The following PRAM1 variants were observed in gnomAD, a reference collection of about 807,000 sequenced individuals.
PRAM1 encodes the protein PML-RARA regulated adaptor molecule 1.
PRAM1 carries 41 observed loss-of-function variants against 55.3 expected under a neutral mutation model. That is an observed-to-expected ratio of 0.74 (90% CI 0.58 to 0.96). The LOEUF is 0.96. Ranked by LOEUF, PRAM1 falls within the 40% of genes least tolerant of loss-of-function variation. The probability of loss-of-function intolerance (pLI) is 0.00; values close to 1 mark genes in which losing one functional copy is unlikely to be tolerated. For missense variants in PRAM1, 898 were observed against 892.7 expected (o/e 1.01, Z -0.08); for synonymous variants, 401 against 387.1 (o/e 1.04, Z -0.42).
Position 8,502,607 on chromosome 19 carries a change from C to T in PRAM1, c.-16G>A, listed in dbSNP as rs774257612. On this transcript the variant is annotated 5_prime_UTR_variant, in exon 1 of 10. Transcript: ENST00000423345. ...GATGGGCCATGGGATGAGTGGGACCCGAGCTGGGGCCGCTGCCTTCAGGAA... is the reference window on the plus strand; with the variant it reads ...GATGGGCCATGGGATGAGTGGGACCTGAGCTGGGGCCGCTGCCTTCAGGAA... 55 of 1,549,722 alleles carry T rather than the reference C, an allele frequency of 3.5e-5. No individual in the cohort carries two copies. The highest frequency in any genetic ancestry group is 9.8e-5 in the Admixed American group (5 of 51,054).
Position 8,490,426 on chromosome 19 carries a change from C to T in PRAM1, c.1940+50G>A. The T allele has an allele frequency of 1.9e-6, 3 of 1,613,712 alleles. No homozygotes were observed. Among genetic ancestry groups the T allele is most frequent in the Non-Finnish European group, 2.5e-6 (3 of 1,179,804 alleles). ...GGCACCGTGGCCCATTCCCCCCACCCTGCACCACACACCCCGCACTCCCCC... is the reference window on the plus strand; with the variant it reads ...GGCACCGTGGCCCATTCCCCCCACCTTGCACCACACACCCCGCACTCCCCC... On this transcript the variant is annotated intron_variant, in intron 8 of 9. Transcript: ENST00000423345. This position sits in a 1 kb window ranked among gnomAD's most constrained non-coding sequence, Gnocchi z 7.3.
At chr19:8,498,312 G>A (rs1336915684) in intron 2 of PRAM1, 23 bp from the exon 3 acceptor site, 1 of 1,607,612 alleles carries the variant, frequency 6.2e-7, no homozygotes, top group Non-Finnish European at 8.5e-7. Flanking sequence ...GAGTAGGGCA[G>A]GGAAGCCGGC....
rs761216297 is a variant in PRAM1, at chr19:8,490,445, C to T, written c.1940+31G>A. 1.1e-5 allele frequency: 18 copies of T among 1,613,384 alleles called. No individual in the cohort carries two copies. The South Asian group carries it at 1.9e-4, about 17-fold the overall frequency. ...CCCACCCTGCACCACACACCCCGCACTCCCCCACCACGGTCAGGGCTGGCA... is the reference window on the plus strand; with the variant it reads ...CCCACCCTGCACCACACACCCCGCATTCCCCCACCACGGTCAGGGCTGGCA... On this transcript the variant is annotated intron_variant, in intron 8 of 9. Coordinates refer to ENST00000423345, the MANE Select transcript of PRAM1 (RefSeq NM_032152.5). This position sits in a 1 kb window ranked among gnomAD's most constrained non-coding sequence, Gnocchi z 7.3.
intron 4 of PRAM1, among the ~76,000 whole-genome samples, chr19:8,494,879 C>T (rs34755496): frequency 0.29 from 43,833 of 151,282 alleles, 7,553 homozygotes; most frequent in Non-Finnish European, 0.39. Flanking sequence ...GCAATCCACC[C>T]GCCTTGGCCT....
At position 8,491,150 on chromosome 19, in the gene PRAM1, C is replaced by T. The variant is rs149261635; in HGVS notation, c.1584G>A (p.Ala528=). 7,765 of 1,610,660 alleles carry T rather than the reference C, an allele frequency of 4.8e-3. 64 individuals carry two copies. The highest frequency in any genetic ancestry group is 0.026 in the South Asian group (2,331 of 90,988). Residue 528 remains alanine (A), a synonymous_variant, in exon 5 of 10, where the codon GCG becomes GCA. Coordinates refer to ENST00000423345, the MANE Select transcript of PRAM1 (RefSeq NM_032152.5). ...SSPSPKGRDE[A]PSVQQAARRP... The stretch of plus-strand genomic sequence containing the variant: ...TCCTGGCGGCTTGCTGAACTGAGGG[C>T]GCTTCATCTGGGGACAGTCAGGACT...
chr19:8,499,468 C>T lies in PRAM1; in HGVS notation c.340G>A (p.Asp114Asn). The T allele has an allele frequency of 6.2e-7, 1 of 1,611,116 alleles. No homozygotes were observed. Among genetic ancestry groups the T allele is most frequent in the Non-Finnish European group, 8.5e-7 (1 of 1,179,594 alleles). The change falls in exon 2 of 10, where the codon GAC (aspartate) becomes AAC (asparagine). Residue 114 changes from aspartate to asparagine, a missense_variant. Physicochemically the swap from Asp to Asn is conservative, Grantham distance 23. Coordinates refer to ENST00000423345, the MANE Select transcript of PRAM1 (RefSeq NM_032152.5). ...PKKPPPPEVTDLPKKPSKLEL... is the reference protein window; with the variant it reads ...PKKPPPPEVTNLPKKPSKLEL... ...AGTTTGGACGGCTTCTTGGGGAGGTCAGTGACCTCAGGCGGCGGGGGCTTC... is the reference window on the plus strand; with the variant it reads ...AGTTTGGACGGCTTCTTGGGGAGGTTAGTGACCTCAGGCGGCGGGGGCTTC...
At position 8,491,105 on chromosome 19, in the gene PRAM1, C is replaced by T. The variant is rs372523277; in HGVS notation, c.1629G>A (p.Ala543=). ...QAARRPPQDP[A]LRKEKDPQPQ... is the part of the protein sequence containing the mutation. ...ACCCCCTCTGCCCATGGCACCTGAG[C>T]GCTGGGTCTTGTGGTGGCCTCCTGG... Residue 543 remains alanine, a synonymous_variant, in exon 5 of 10, where the codon GCG becomes GCA. Coordinates refer to ENST00000423345, the MANE Select transcript of PRAM1 (RefSeq NM_032152.5). 7.5e-5 allele frequency: 121 copies of T among 1,612,254 alleles called. No homozygotes were observed. Among genetic ancestry groups the T allele is most frequent in the Non-Finnish European group, 9.6e-5 (113 of 1,179,860 alleles).
Position 8,490,170 on chromosome 19 carries a change from G to T in PRAM1, c.*19C>A. 1.3e-6 allele frequency: 2 copies of T among 1,550,874 alleles called. No individual in the cohort carries two copies. Among genetic ancestry groups the T allele is most frequent in the Non-Finnish European group, 1.7e-6 (2 of 1,146,422 alleles). On this transcript the variant is annotated 3_prime_UTR_variant, in exon 10 of 10. Coordinates refer to ENST00000423345, the MANE Select transcript of PRAM1 (RefSeq NM_032152.5). This position sits in a 1 kb window ranked among gnomAD's most constrained non-coding sequence, Gnocchi z 7.3. Reference sequence around the variant, plus strand: ...GGGCGCTGGGCTGGCTGGCTGTCCTGGCCCCACGCCTACCGGTCTTACCGT... The same window carrying T: ...GGGCGCTGGGCTGGCTGGCTGTCCTTGCCCCACGCCTACCGGTCTTACCGT...
chr19:8,495,959 G>C, intron 4 of PRAM1: 1 of 418,538 alleles, frequency 2.4e-6, no homozygotes, highest in Admixed American at 2.7e-5. Flanking sequence ...CTGGGCAGGA[G>C]GTGCGGGCCT....
chr19:8,490,367 G>A lies in PRAM1; in HGVS notation c.1946C>T (p.Thr649Met), dbSNP rs760164429. 14 of 1,613,828 alleles carry A rather than the reference G, an allele frequency of 8.7e-6. No homozygotes were observed. The highest frequency in any genetic ancestry group is 4.0e-5 in the African/African-American group (3 of 74,912). The change falls in exon 9 of 10, where the codon ACG becomes ATG. Residue 649 changes from threonine to methionine, a missense_variant. Thr to Met is a moderately conservative substitution (Grantham distance 81). Coordinates refer to ENST00000423345, the MANE Select transcript of PRAM1 (RefSeq NM_032152.5). This position sits in a 1 kb window ranked among gnomAD's most constrained non-coding sequence, Gnocchi z 7.3. ...VPRTALLPLETEVYDDVDFCD... is the reference protein window; with the variant it reads ...VPRTALLPLEMEVYDDVDFCD... Reference sequence around the variant, plus strand: ...GAAGTCGACATCATCGTACACCTCCGTCTCCCTGGCAGAGCACAGTTGGGT... The same window carrying A: ...GAAGTCGACATCATCGTACACCTCCATCTCCCTGGCAGAGCACAGTTGGGT...
chr19:8,498,162 G>T (rs886561693), intron 3 of PRAM1, 61 bp downstream of exon 3: 41 of 1,546,486 alleles, frequency 2.7e-5, no homozygotes, highest in Admixed American at 1.7e-4. Context: ...GCTCCAGGCC[G>T]AGATGAGGCC....
In PRAM1 at chr19:8,490,585, C is replaced by T. The variant is rs1359312721; in HGVS notation, c.1906+9G>A. 3.8e-6 allele frequency: 6 copies of T among 1,586,952 alleles called. No homozygotes were observed. The highest frequency in any genetic ancestry group is 1.3e-5 in the African/African-American group (1 of 74,328). ...GACCTCCCGGGGCTGCGGGGCCGGG[C>T]GCACTCACATTTGCCTTTGGGGTCC... On this transcript the variant is annotated intron_variant, in intron 7 of 9. Transcript: ENST00000423345. The surrounding 1 kb of genome is among the most constrained non-coding windows in gnomAD (Gnocchi z 7.3).
At chr19:8,501,922 G>T (rs1971811816) in intron 1 of PRAM1, among the ~76,000 whole-genome samples, 1 of 152,164 alleles carries the variant, frequency 6.6e-6, no homozygotes, top group Admixed American at 6.5e-5. Context: ...TCACAAGAAG[G>T]CCAGGCCTCC....
chr19:8,495,831 C>T (rs1168805457), intron 4 of PRAM1, among the ~76,000 whole-genome samples: 4 of 145,352 alleles, frequency 2.8e-5, no homozygotes. Context: ...GTGGAGGGTA[C>T]GGATTTAAGG....
In PRAM1 at chr19:8,490,240, G is replaced by A. The variant is rs770704187; in HGVS notation, c.1976-14C>T. ...TTTCCAGGGGATCTGCCGAGGAAGC[G>A]TGACTTCCATGGACCCCTCTCCCCA... On this transcript the variant is annotated splice_polypyrimidine_tract_variant and intron_variant, in intron 9 of 9. Coordinates refer to ENST00000423345, the MANE Select transcript of PRAM1 (RefSeq NM_032152.5). This position sits in a 1 kb window ranked among gnomAD's most constrained non-coding sequence, Gnocchi z 7.3. The A allele has an allele frequency of 1.2e-5, 20 of 1,607,916 alleles. No homozygotes were observed. In the East Asian group the frequency reaches 2.9e-4, roughly 23 times the overall value.
chr19:8,491,229 GTTTGTT>G (rs1485744312), intron 4 of PRAM1, 72 bp from the exon 5 acceptor site: 12 of 1,466,210 alleles, frequency 8.2e-6, no homozygotes, highest in Middle Eastern at 2.3e-4. Flanking sequence ...GCTGTTTTTT[GTTTGTT>G]TTTGTGTTTT....
rs1402696794 is a variant in PRAM1 at position 8,493,321 on chromosome 19, C to T, written c.1577-2164G>A. The stretch of plus-strand genomic sequence containing the variant: ...CCAAGGAGCAGCACCTGAATCGTGC[C>T]CGCCAGATACCAGGCATGGCCATCC... On this transcript the variant is annotated intron_variant, in intron 4 of 9. Coordinates refer to ENST00000423345, the MANE Select transcript of PRAM1 (RefSeq NM_032152.5). The surrounding 1 kb of genome is among the most constrained non-coding windows in gnomAD (Gnocchi z 4.1). Among the ~76,000 whole-genome samples, 1 of 152,230 alleles carries T rather than the reference C, an allele frequency of 6.6e-6. No homozygotes were observed. Among genetic ancestry groups the T allele is most frequent in the African/African-American group, 2.4e-5 (1 of 41,466 alleles).
At chr19:8,496,640 G>A (rs917127864) in intron 4 of PRAM1, among the ~76,000 whole-genome samples, 2 of 152,104 alleles carry the variant, frequency 1.3e-5, no homozygotes, top group African/African-American at 4.8e-5. Context: ...CAGGAGAATC[G>A]CTTGAACACG....
At position 8,490,858 on chromosome 19, in the gene PRAM1, A is replaced by G. The variant is rs761176490; in HGVS notation, c.1743+29T>C. The G allele has an allele frequency of 1.7e-5, 28 of 1,611,406 alleles. No homozygotes were observed. The highest frequency in any genetic ancestry group is 2.4e-5 in the Non-Finnish European group (28 of 1,179,452). ...GTGGGACCCTGGTCTCCGCCCTGCC[A>G]GGACTCCTGCTTAGCTCAGAGGCCT... On this transcript the variant is annotated intron_variant, in intron 6 of 9. Transcript: ENST00000423345. This position sits in a 1 kb window ranked among gnomAD's most constrained non-coding sequence, Gnocchi z 7.3.
Sources: allele counts gnomAD v4.1 joint callset (sites outside exome capture counted in the v4.1 genomes callset), GRCh38; gene constraint gnomAD v4.1.1; non-coding constraint Gnocchi (gnomAD v3.1); transcripts MANE v1.5; gene names NCBI Gene and HGNC (gene_info 2026-07-23, HGNC 2026-07-21).